PTBP3: variants seen among roughly 807,000 people sequenced by gnomAD.
The protein encoded by PTBP3 is polypyrimidine tract-binding protein 3.
PTBP3 carries 20 observed loss-of-function variants against 58.7 expected under a neutral mutation model. The observed-to-expected ratio is 0.34, with a 90% CI of 0.24 to 0.50. PTBP3 has a LOEUF of 0.50. Among genes scored for constraint, PTBP3 ranks in the 20% least tolerant of loss-of-function variants. PTBP3 has a pLI of 0.98. For synonymous variants in PTBP3, 185 were observed against 219.8 expected (o/e 0.84, Z 1.40); for missense variants, 509 against 637.2 (o/e 0.80, Z 2.17).
intron 1 of PTBP3, among the ~76,000 whole-genome samples, chr9:112,305,647 A>T (rs752193057): frequency 6.6e-6 from 1 of 152,146 alleles, no homozygotes; most frequent in Non-Finnish European, 1.5e-5. Flanking sequence ...TGCTGTGAGT[A>T]TAAGAGCTTT....
the PTBP3 span, among the ~76,000 whole-genome samples, chr9:112,350,448 A>G: frequency 6.6e-6 from 1 of 152,226 alleles, no homozygotes; most frequent in Admixed American, 6.5e-5. Context: ...GCATTCTTCC[A>G]CGCCCAGTAC....
intron 3 of PTBP3, chr9:112,272,964 A>C (rs1311786692): frequency 6.6e-6 from 1 of 152,266 alleles, no homozygotes; most frequent in East Asian, 1.9e-4. Context: ...TCTCTAAATC[A>C]AACTATTTGT....
intron 3 of PTBP3, among the ~76,000 whole-genome samples, chr9:112,273,170 CA>C (rs1490650229): frequency 6.6e-6 from 1 of 152,138 alleles, no homozygotes; most frequent in Non-Finnish European, 1.5e-5. Flanking sequence ...CATCACAAAT[CA>C]ACCCACAATA....
chr9:112,296,867 T>C (rs1828712674), intron 2 of PTBP3, among the ~76,000 whole-genome samples: 1 of 152,210 alleles, frequency 6.6e-6, no homozygotes, highest in Non-Finnish European at 1.5e-5. Context: ...TGATATCCCT[T>C]ATTCAAACAT....
At chr9:112,227,251 T>G (rs185285589) in intron 12 of PTBP3, among the ~76,000 whole-genome samples, 160 bp downstream of exon 12, 1 of 152,224 alleles carries the variant, frequency 6.6e-6, no homozygotes, top group Non-Finnish European at 1.5e-5. Context: ...GGATTGGAGA[T>G]AACCTTCTGA....
chr9:112,297,931 C>T lies in PTBP3; in HGVS notation c.-51-15G>A, dbSNP rs767918226. The T allele has an allele frequency of 1.9e-6, 3 of 1,597,012 alleles. No homozygotes were observed. Among genetic ancestry groups the T allele is most frequent in the South Asian group, 2.3e-5 (2 of 88,146 alleles). On this transcript the variant is annotated splice_polypyrimidine_tract_variant and intron_variant, in intron 1 of 13. Coordinates refer to ENST00000374257, the MANE Select transcript of PTBP3 (RefSeq NM_001163788.4). ...TCAGATCCCCGCTGAAAAGCAAAAC[C>T]AATGTTTGGTTAATAAACCAAGTTT...
At chr9:112,309,311 T>C (rs1405256983) in intron 1 of PTBP3, among the ~76,000 whole-genome samples, 2 of 152,126 alleles carry the variant, frequency 1.3e-5, no homozygotes, top group African/African-American at 2.4e-5. Context: ...AGAAAACTCA[T>C]ACTGGTTCTG....
Position 112,219,755 on chromosome 9 carries a change from A to G in PTBP3, c.*4096T>C, listed in dbSNP as rs1457372716. On this transcript the variant is annotated 3_prime_UTR_variant, in exon 14 of 14. Coordinates refer to ENST00000374257, the MANE Select transcript of PTBP3 (RefSeq NM_001163788.4). ...ACTACTTTAGTCTCAAATAGGAAGA[A>G]AAGGTCAATTAAGACTACTGAAGAA... The G allele has an allele frequency of 1.3e-5, 2 of 152,934 alleles. No individual in the cohort carries two copies. Among genetic ancestry groups the G allele is most frequent in the Admixed American group, 6.5e-5 (1 of 15,302 alleles). 9.5% of individuals were successfully genotyped at this position (152,934 alleles called of 1,614,324 possible). A position where few individuals can be genotyped will look rare whatever the true frequency, so the allele number is the denominator to read the frequency against.
At chr9:112,356,822 AC>A in the PTBP3 span, among the ~76,000 whole-genome samples, 1 of 147,258 alleles carries the variant, frequency 6.8e-6, no homozygotes, top group Non-Finnish European at 1.5e-5. Flanking sequence ...ACACACACAC[AC>A]AATTTGGCCC....
the PTBP3 span, among the ~76,000 whole-genome samples, chr9:112,368,036 C>T: frequency 0.01 from 1,598 of 152,204 alleles, 30 homozygotes; most frequent in African/African-American, 0.037. Context: ...ACTCTGTCAC[C>T]CAGGCTGGAG....
At chr9:112,291,858 G>A (rs1474651234) in intron 2 of PTBP3, among the ~76,000 whole-genome samples, 1 of 152,092 alleles carries the variant, frequency 6.6e-6, no homozygotes, top group African/African-American at 2.4e-5. Context: ...AAGAAAATAT[G>A]AACAAATGGG....
At chr9:112,325,875 C>T (rs912466609) in intron 1 of PTBP3, among the ~76,000 whole-genome samples, 1 of 152,006 alleles carries the variant, frequency 6.6e-6, no homozygotes, top group African/African-American at 2.4e-5. Flanking sequence ...AAAATTAGCC[C>T]GGAGCGGTGG....
At chr9:112,327,211 GAA>G (rs111322437) in intron 1 of PTBP3, among the ~76,000 whole-genome samples, 1 of 126,768 alleles carries the variant, frequency 7.9e-6, no homozygotes, top group Non-Finnish European at 1.7e-5. Context: ...TGCCTTCAAA[GAA>G]AAAAAAAAAA....
At chr9:112,228,967 C>G (rs1027685470) in intron 10 of PTBP3, among the ~76,000 whole-genome samples, 1 of 152,146 alleles carries the variant, frequency 6.6e-6, no homozygotes, top group Non-Finnish European at 1.5e-5. Flanking sequence ...CTAATTGATC[C>G]TAACTCATCT....
At chr9:112,249,770 G>A (rs570543340) in intron 7 of PTBP3, among the ~76,000 whole-genome samples, 6 of 151,336 alleles carry the variant, frequency 4.0e-5, no homozygotes, top group Non-Finnish European at 7.4e-5. Context: ...ATTAGAATAA[G>A]TGAATTCTTA....
chr9:112,295,691 CTA>C (rs908937166), intron 2 of PTBP3, among the ~76,000 whole-genome samples: 11 of 146,752 alleles, frequency 7.5e-5, no homozygotes, highest in Admixed American at 4.8e-4. Flanking sequence ...TAAAAGAAAA[CTA>C]TGTGATTTAT....
chr9:112,257,058 A>G (rs1836398250), intron 5 of PTBP3, among the ~76,000 whole-genome samples: 1 of 152,200 alleles, frequency 6.6e-6, no homozygotes. Context: ...AGATTTTGTT[A>G]ATGTTTACAT....
intron 12 of PTBP3, among the ~76,000 whole-genome samples, chr9:112,224,924 A>G (rs1834925862): frequency 6.6e-6 from 1 of 152,220 alleles, no homozygotes; most frequent in Non-Finnish European, 1.5e-5. Context: ...CATTTTGGAA[A>G]TGGATCCTCT....
At chr9:112,360,725 G>A in the PTBP3 span, among the ~76,000 whole-genome samples, 36,978 of 151,934 alleles carry the variant, frequency 0.24, 4,918 homozygotes, top group East Asian at 0.36. Flanking sequence ...ACGACTAACA[G>A]TAGGTTACGA....
Sources: gnomAD v4.1 joint callset for allele counts (sites outside exome capture counted in the v4.1 genomes callset) on GRCh38, gnomAD v4.1.1 for gene constraint, MANE v1.5 for transcripts, NCBI Gene and HGNC (gene_info 2026-07-23, HGNC 2026-07-21) for gene names.